INSR: variants seen among roughly 807,000 people sequenced by gnomAD.
The protein encoded by INSR is IR.
INSR carries 67 observed loss-of-function variants against 142.6 expected under a neutral mutation model. The observed-to-expected ratio is 0.47, with a 90% CI of 0.39 to 0.58. The LOEUF is 0.58. Ranked by LOEUF, INSR falls within the 20% of genes least tolerant of loss-of-function variation. The pLI, the probability that INSR is intolerant of heterozygous loss-of-function variation, is 0.00. For missense variants in INSR, 1,248 were observed against 1,833.2 expected (o/e 0.68, Z 5.83); for synonymous variants, 756 against 743.1 (o/e 1.02, Z -0.28).
chr19:7,186,506 T>C (rs1974434952), intron 2 of INSR, among the ~76,000 whole-genome samples: 1 of 152,046 alleles, frequency 6.6e-6, no homozygotes, highest in Admixed American at 6.6e-5. Flanking sequence ...TAGCATAAAA[T>C]TCACCATTGT....
chr19:7,219,362 G>A (rs549280126), intron 2 of INSR, among the ~76,000 whole-genome samples: 1 of 152,058 alleles, frequency 6.6e-6, no homozygotes, highest in African/African-American at 2.4e-5. Context: ...CAGCTCTTTG[G>A]GCTTCACATG....
rs568580472 is a variant in INSR at position 7,168,856 on chromosome 19, G to A, written c.1484-762C>T. On this transcript the variant is annotated intron_variant, in intron 6 of 21. Coordinates refer to ENST00000302850, the MANE Select transcript of INSR (RefSeq NM_000208.4). This position sits in a 1 kb window ranked among gnomAD's most constrained non-coding sequence, Gnocchi z 4.3. ...TGACCTCAAGTGATCTGCCTGCCTCGGCCTCCCAGAGTGCTGGGATTCCAG... is the reference window on the plus strand; with the variant it reads ...TGACCTCAAGTGATCTGCCTGCCTCAGCCTCCCAGAGTGCTGGGATTCCAG... Among the ~76,000 whole-genome samples, 2 of 151,974 alleles carry A rather than the reference G, an allele frequency of 1.3e-5. No individual in the cohort carries two copies. The highest frequency in any genetic ancestry group is 2.1e-4 in the South Asian group (1 of 4,816).
At chr19:7,193,664 T>TA (rs1246222507) in intron 2 of INSR, among the ~76,000 whole-genome samples, 1 of 152,052 alleles carries the variant, frequency 6.6e-6, no homozygotes, top group Non-Finnish European at 1.5e-5. Flanking sequence ...TATTTGGAAA[T>TA]ACATATTTTT....
intron 11 of INSR, among the ~76,000 whole-genome samples, chr19:7,144,104 C>T (rs547773337): frequency 6.6e-6 from 1 of 151,878 alleles, no homozygotes; most frequent in Non-Finnish European, 1.5e-5. Flanking sequence ...AATCCACAGC[C>T]CACTGCTTCC....
chr19:7,117,063 G>A lies in INSR; in HGVS notation c.4142C>T (p.Pro1381Leu). Residue 1381 changes from proline (P) to leucine (L), a missense_variant, in exon 22 of 22, where the codon CCT (proline) becomes CTT (leucine). Pro to Leu is a moderately conservative substitution (Grantham distance 98). Coordinates refer to ENST00000302850, the MANE Select transcript of INSR (RefSeq NM_000208.4). ...GRILTLPRSN[P>L]S ...CCGCCACGGTAGGCACTGTTAGGAA[G>A]GATTGGACCGAGGCAAGGTCAGAAT... 6.2e-7 allele frequency: 1 copy of A among 1,613,836 alleles called. No individual in the cohort carries two copies. The highest frequency in any genetic ancestry group is 2.2e-5 in the East Asian group (1 of 44,878).
Position 7,125,162 on chromosome 19 carries a change from T to C in INSR, c.3258+121A>G. 1 of 1,179,520 alleles carries C rather than the reference T, an allele frequency of 8.5e-7. No individual in the cohort carries two copies. The highest frequency in any genetic ancestry group is 1.2e-6 in the Non-Finnish European group (1 of 809,722). The allele number at this position is 1,179,520 out of a possible 1,614,324, so 73.1% of individuals were successfully genotyped here. A position where few individuals can be genotyped will look rare whatever the true frequency, so the allele number is the denominator to read the frequency against. ...CACACCTCTAGGATGGGAAGCTTAG[T>C]GGAGTGAGGGGTGGGTAGGAGGTTA... On this transcript the variant is annotated intron_variant, in intron 17 of 21. Transcript: ENST00000302850. The surrounding 1 kb of genome is among the most constrained non-coding windows in gnomAD (Gnocchi z 4.9).
At chr19:7,208,843 A>C (rs1252689823) in intron 2 of INSR, among the ~76,000 whole-genome samples, 1 of 152,130 alleles carries the variant, frequency 6.6e-6, no homozygotes, top group East Asian at 1.9e-4. Flanking sequence ...TCTCTACTAA[A>C]AATACAAAAA....
At chr19:7,272,158 T>C (rs1967943340) in intron 1 of INSR, among the ~76,000 whole-genome samples, 1 of 152,102 alleles carries the variant, frequency 6.6e-6, no homozygotes, top group East Asian at 1.9e-4. Flanking sequence ...CAAAAAAAAT[T>C]AGCTGGGCAT....
chr19:7,144,964 T>C (rs1973156109), intron 11 of INSR, among the ~76,000 whole-genome samples: 1 of 151,922 alleles, frequency 6.6e-6, no homozygotes, highest in Admixed American at 6.6e-5. Flanking sequence ...TTTCTTTCTA[T>C]GTTTGTTTGT....
At chr19:7,226,734 A>AAAAAAAG (rs970518719) in intron 2 of INSR, among the ~76,000 whole-genome samples, 2 of 151,522 alleles carry the variant, frequency 1.3e-5, no homozygotes, top group African/African-American at 4.8e-5. Flanking sequence ...TTTCCAAAAA[A>AAAAAAAG]AAAAAAAAAA....
chr19:7,130,393 C>T (rs1047967420), intron 14 of INSR, among the ~76,000 whole-genome samples: 6 of 152,248 alleles, frequency 3.9e-5, no homozygotes, highest in South Asian at 4.1e-4. Flanking sequence ...CAGTAGACAC[C>T]GGGACTGCTA....
intron 11 of INSR, among the ~76,000 whole-genome samples, chr19:7,144,315 T>C (rs1409002907): frequency 2.0e-5 from 3 of 152,230 alleles, no homozygotes; most frequent in Non-Finnish European, 4.4e-5. Flanking sequence ...AAGTAGCATG[T>C]GTTCCCTGCA....
chr19:7,291,917 G>A (rs1968501863), intron 1 of INSR, among the ~76,000 whole-genome samples: 1 of 149,578 alleles, frequency 6.7e-6, no homozygotes, highest in African/African-American at 2.5e-5. Flanking sequence ...CTCAGCCTCC[G>A]GAATAGCTGG....
intron 2 of INSR, among the ~76,000 whole-genome samples, chr19:7,254,059 A>AAAAAGG (rs1300512772): frequency 6.6e-6 from 1 of 151,240 alleles, no homozygotes; most frequent in African/African-American, 2.4e-5. Context: ...AAAGAAAAGA[A>AAAAAGG]AAAAGGAAAA....
At chr19:7,153,076 CACACAA>C (rs1973440213) in intron 9 of INSR, 149 bp from the exon 10 acceptor site, 2 of 453,460 alleles carry the variant, frequency 4.4e-6, no homozygotes, top group African/African-American at 6.7e-5. Context: ...CCACACACAT[CACACAA>C]CACACCACAC....
intron 1 of INSR, among the ~76,000 whole-genome samples, chr19:7,288,948 GTGA>G (rs1968416335): frequency 1.2e-5 from 1 of 83,074 alleles, no homozygotes; most frequent in African/African-American, 5.1e-5. Flanking sequence ...GGGTGAAGAA[GTGA>G]AAAAAAAAAA....
At chr19:7,283,763 C>A (rs759020403) in intron 1 of INSR, among the ~76,000 whole-genome samples, 2 of 152,072 alleles carry the variant, frequency 1.3e-5, no homozygotes, top group Non-Finnish European at 2.9e-5. Flanking sequence ...GCAGCCGATT[C>A]TTGTTATTGG....
At chr19:7,141,096 G>A (rs776987011) in intron 13 of INSR, among the ~76,000 whole-genome samples, 7 of 152,110 alleles carry the variant, frequency 4.6e-5, no homozygotes, top group African/African-American at 7.2e-5. Flanking sequence ...AGGCTGGAGC[G>A]CAATGGTGCA....
At chr19:7,141,290 A>G (rs922431832) in intron 13 of INSR, among the ~76,000 whole-genome samples, 3 of 152,082 alleles carry the variant, frequency 2.0e-5, no homozygotes, top group African/African-American at 7.2e-5. Flanking sequence ...CCTGGCCTCA[A>G]GTGATCTGCC....
Sources: allele counts gnomAD v4.1 joint callset (sites outside exome capture counted in the v4.1 genomes callset), GRCh38; gene constraint gnomAD v4.1.1; non-coding constraint Gnocchi (gnomAD v3.1); transcripts MANE v1.5; gene names NCBI Gene and HGNC (gene_info 2026-07-23, HGNC 2026-07-21).